The following CDH12 variants were observed in gnomAD, a reference collection of about 807,000 sequenced individuals.
CDH12 encodes the protein cadherin-12.
In CDH12, 41 loss-of-function variants were observed where a neutral mutation model predicts 74.1. That is an observed-to-expected ratio of 0.55 (90% CI 0.43 to 0.72). CDH12 has a LOEUF of 0.72. Among genes scored for constraint, CDH12 ranks in the 30% least tolerant of loss-of-function variants. The pLI is 0.00. For synonymous variants in CDH12, 399 were observed against 355.0 expected, an observed-to-expected ratio of 1.12 and a Z score of -1.39; for missense variants, 945 against 977.2, an observed-to-expected ratio of 0.97 and a Z score of 0.44.
At chr5:22,292,611 A>G (rs1737442981) in intron 3 of CDH12, among the ~76,000 whole-genome samples, 1 of 137,828 alleles carries the variant, frequency 7.3e-6, no homozygotes, top group Admixed American at 7.9e-5. Flanking sequence ...AGGACCTGAA[A>G]GATGCTTCTC....
chr5:22,786,793 A>T (rs1442032275), intron 1 of CDH12, among the ~76,000 whole-genome samples: 1 of 150,626 alleles, frequency 6.6e-6, no homozygotes, highest in Non-Finnish European at 1.5e-5. Context: ...ATCTCAGCCC[A>T]CTGCAACCTC....
chr5:22,287,097 A>G lies in CDH12; in HGVS notation c.-332-74454T>C, dbSNP rs547828162. 3.9e-5 allele frequency among the ~76,000 whole-genome samples: 6 copies of G among 152,340 alleles called. No individual in the cohort carries two copies. The South Asian group carries it at 8.3e-4, about 21-fold the overall frequency. ...GAGTCACTATGTAAATACAGATCAC[A>G]GAAACAAATGAAGCTGGTTGACCGT... On this transcript the variant is annotated intron_variant, in intron 3 of 14. Coordinates refer to ENST00000382254, the MANE Select transcript of CDH12 (RefSeq NM_004061.5).
chr5:22,672,301 G>T (rs549288165), intron 1 of CDH12, among the ~76,000 whole-genome samples: 4 of 151,578 alleles, frequency 2.6e-5, no homozygotes, highest in African/African-American at 9.7e-5. Flanking sequence ...TCATAACCAA[G>T]AGTATAAATG....
chr5:22,660,492 A>G (rs1740290433), intron 1 of CDH12, among the ~76,000 whole-genome samples: 1 of 152,182 alleles, frequency 6.6e-6, no homozygotes. Context: ...ATATTCACCA[A>G]GTTTGTCCTC....
chr5:22,060,526 G>T (rs1277689730), intron 5 of CDH12, among the ~76,000 whole-genome samples: 1 of 151,688 alleles, frequency 6.6e-6, no homozygotes, highest in East Asian at 1.9e-4. Context: ...GAAAGGCAAG[G>T]AACTGTATTG....
At chr5:22,383,673 C>T (rs143322905) in intron 3 of CDH12, among the ~76,000 whole-genome samples, 1 of 152,318 alleles carries the variant, frequency 6.6e-6, no homozygotes, top group Non-Finnish European at 1.5e-5. Flanking sequence ...CCAAAATAAT[C>T]TCCCAATTCA....
chr5:22,117,823 A>AT (rs1745263956), intron 4 of CDH12, among the ~76,000 whole-genome samples: 2 of 151,022 alleles, frequency 1.3e-5, no homozygotes. Context: ...ATGTGAAAAA[A>AT]ATGTAATGTT....
intron 4 of CDH12, among the ~76,000 whole-genome samples, chr5:22,207,391 T>C (rs1458813681): frequency 6.6e-6 from 1 of 152,168 alleles, no homozygotes; most frequent in East Asian, 1.9e-4. Flanking sequence ...TACAATCTTT[T>C]TCTGTTCTAC....
intron 5 of CDH12, among the ~76,000 whole-genome samples, chr5:22,010,329 C>T (rs1737227729): frequency 6.6e-6 from 1 of 152,276 alleles, no homozygotes; most frequent in South Asian, 2.1e-4. Context: ...TATCTTCTTA[C>T]TTTTCCTGTG....
chr5:22,096,861 A>G (rs1472432107), intron 4 of CDH12, among the ~76,000 whole-genome samples: 1 of 152,080 alleles, frequency 6.6e-6, no homozygotes, highest in Admixed American at 6.5e-5. Context: ...TTATTACCCA[A>G]TCTGCTCCCA....
At chr5:21,850,252 A>G (rs1750391179) in intron 7 of CDH12, among the ~76,000 whole-genome samples, 1 of 151,520 alleles carries the variant, frequency 6.6e-6, no homozygotes, top group Non-Finnish European at 1.5e-5. Flanking sequence ...TAGAGTTAAT[A>G]ATAGTGTATT....
chr5:21,821,639 G>A (rs1748375896), intron 8 of CDH12, among the ~76,000 whole-genome samples: 1 of 151,744 alleles, frequency 6.6e-6, no homozygotes, highest in Admixed American at 6.6e-5. Context: ...AAATATTGGA[G>A]GGCTTAAGAA....
intron 3 of CDH12, among the ~76,000 whole-genome samples, chr5:22,403,101 T>C (rs1742801276): frequency 2.0e-5 from 3 of 152,124 alleles, no homozygotes; most frequent in Admixed American, 2.0e-4. Flanking sequence ...CTGCCAAGCA[T>C]GGAGGAGAGA....
At chr5:22,146,441 G>C (rs1747185593) in intron 4 of CDH12, among the ~76,000 whole-genome samples, 1 of 152,006 alleles carries the variant, frequency 6.6e-6, no homozygotes, top group African/African-American at 2.4e-5. Flanking sequence ...AAATAACAAA[G>C]TTGTTAACAC....
Position 22,037,650 on chromosome 5 carries a change from T to C in CDH12, c.231+40796A>G, listed in dbSNP as rs537514235. Among the ~76,000 whole-genome samples, 153 of 152,264 alleles carry C rather than the reference T, an allele frequency of 1.0e-3. 1 individual carries two copies. The highest frequency in any genetic ancestry group is 2.0e-3 in the Non-Finnish European group (133 of 68,024). On this transcript the variant is annotated intron_variant, in intron 5 of 14. Coordinates refer to ENST00000382254, the MANE Select transcript of CDH12 (RefSeq NM_004061.5). ...TTTTACAGCAGCTATAGGCAACTAATGAACCCAGCTAACTCACCGGTATTA... is the reference window on the plus strand; with the variant it reads ...TTTTACAGCAGCTATAGGCAACTAACGAACCCAGCTAACTCACCGGTATTA...
At chr5:22,506,836 A>G (rs1392294303) in intron 1 of CDH12, among the ~76,000 whole-genome samples, 2 of 152,142 alleles carry the variant, frequency 1.3e-5, no homozygotes. Context: ...CATACTGATA[A>G]CTTCAACTCC....
chr5:21,800,469 A>G (rs2149920488), intron 10 of CDH12, among the ~76,000 whole-genome samples: 1 of 152,190 alleles, frequency 6.6e-6, no homozygotes, highest in Middle Eastern at 3.4e-3. Context: ...TGGAGCCCTC[A>G]TGAAGTTATT....
At chr5:21,893,535 C>T (rs1301368320) in intron 6 of CDH12, among the ~76,000 whole-genome samples, 1 of 152,090 alleles carries the variant, frequency 6.6e-6, no homozygotes, top group Non-Finnish European at 1.5e-5. Context: ...TTAACAAAGC[C>T]TTAGAATTTT....
chr5:22,223,334 T>A (rs1752083166), intron 3 of CDH12, among the ~76,000 whole-genome samples: 1 of 151,982 alleles, frequency 6.6e-6, no homozygotes, highest in Non-Finnish European at 1.5e-5. Flanking sequence ...GCTGGCATAA[T>A]CTCTTGCGCA....
Sources: allele counts gnomAD v4.1 joint callset (sites outside exome capture counted in the v4.1 genomes callset), GRCh38; gene constraint gnomAD v4.1.1; transcripts MANE v1.5; gene names NCBI Gene and HGNC (gene_info 2026-07-23, HGNC 2026-07-21).